The following NRG3 variants were observed in gnomAD, a reference collection of about 807,000 sequenced individuals.
NRG3 encodes pro-neuregulin-3, membrane-bound isoform.
A neutral mutation model predicts 66.9 loss-of-function variants in NRG3; 31 were observed. That is an observed-to-expected ratio of 0.46 (90% CI 0.35 to 0.63). The LOEUF is 0.63. Among genes scored for constraint, NRG3 ranks in the 20% least tolerant of loss-of-function variants. The pLI is 0.00. For synonymous variants in NRG3, 393 were observed against 359.4 expected, an observed-to-expected ratio of 1.09 and a Z score of -1.06; for missense variants, 910 against 878.9, an observed-to-expected ratio of 1.04 and a Z score of -0.45.
intron 2 of NRG3, among the ~76,000 whole-genome samples, chr10:82,525,109 T>C (rs1264737573): frequency 6.6e-6 from 1 of 151,830 alleles, no homozygotes; most frequent in Non-Finnish European, 1.5e-5. Context: ...CTTATCTCGA[T>C]CAATAACAAA....
chr10:81,875,538 G>A lies in NRG3; in HGVS notation c.198G>A (p.Trp66Ter). ...TCGTGTGGAACCGGCAGCAGACGTGGCTGTGCGTGGTACCTCTGTTCATCG... is the reference window on the plus strand; with the variant it reads ...TCGTGTGGAACCGGCAGCAGACGTGACTGTGCGTGGTACCTCTGTTCATCG... ...DCIVWNRQQT[W>*]LCVVPLFIGF... is the part of the protein sequence containing the mutation. The change falls in exon 1 of 9, where the codon TGG (tryptophan) becomes TGA (stop). Residue 66 changes from tryptophan to a stop codon, truncating the protein, a stop_gained. Coordinates refer to ENST00000372141, the MANE Select transcript of NRG3 (RefSeq NM_001010848.4). LOFTEE classifies it high-confidence loss of function. The surrounding 1 kb of genome is among the most constrained non-coding windows in gnomAD (Gnocchi z 5.3). 6.2e-7 allele frequency: 1 copy of A among 1,612,566 alleles called. No individual in the cohort carries two copies. The highest frequency in any genetic ancestry group is 8.5e-7 in the Non-Finnish European group (1 of 1,179,772).
chr10:82,533,540 A>G (rs1847511860), intron 2 of NRG3, among the ~76,000 whole-genome samples: 1 of 152,146 alleles, frequency 6.6e-6, no homozygotes, highest in Admixed American at 6.5e-5. Context: ...CTATTTGTTA[A>G]AAAGAATGTA....
intron 1 of NRG3, among the ~76,000 whole-genome samples, chr10:81,988,401 C>A (rs917100405): frequency 4.6e-5 from 7 of 152,138 alleles, no homozygotes; most frequent in African/African-American, 1.7e-4. Flanking sequence ...TATATTTTCC[C>A]AGATTAGAGG....
At chr10:82,804,425 CATGAACA>C in intron 3 of NRG3, among the ~76,000 whole-genome samples, 1 of 152,232 alleles carries the variant, frequency 6.6e-6, no homozygotes, top group South Asian at 2.1e-4. Context: ...GGGTGGAAGA[CATGAACA>C]GAAATGTATT....
At chr10:82,331,955 G>A (rs1018251551) in intron 1 of NRG3, among the ~76,000 whole-genome samples, 2 of 152,196 alleles carry the variant, frequency 1.3e-5, no homozygotes, top group African/African-American at 2.4e-5. Flanking sequence ...GCTCCACTCT[G>A]CTCTGCTGGC....
At chr10:81,880,334 C>G (rs1842067079) in intron 1 of NRG3, among the ~76,000 whole-genome samples, 1 of 151,970 alleles carries the variant, frequency 6.6e-6, no homozygotes, top group South Asian at 2.1e-4. Flanking sequence ...TTGAGAGTCC[C>G]TTCTGCAGGA....
chr10:82,114,152 T>G (rs1037106995), intron 1 of NRG3, among the ~76,000 whole-genome samples: 3 of 152,132 alleles, frequency 2.0e-5, no homozygotes, highest in Non-Finnish European at 4.4e-5. Flanking sequence ...TATCATCACT[T>G]TGTTCCTTTT....
intron 3 of NRG3, among the ~76,000 whole-genome samples, chr10:82,793,258 T>C (rs1332040647): frequency 2.0e-5 from 3 of 151,966 alleles, no homozygotes; most frequent in Admixed American, 1.3e-4. Flanking sequence ...TGAGTGGGAG[T>C]TTGTTGTGTT....
At chr10:82,269,784 G>T (rs572345685) in intron 1 of NRG3, among the ~76,000 whole-genome samples, 2 of 152,116 alleles carry the variant, frequency 1.3e-5, no homozygotes, top group Admixed American at 6.6e-5. Context: ...AAGGTCTGGG[G>T]TGAATCCTGA....
At chr10:82,726,645 G>A (rs923558356) in intron 2 of NRG3, among the ~76,000 whole-genome samples, 2 of 152,156 alleles carry the variant, frequency 1.3e-5, no homozygotes, top group African/African-American at 4.8e-5. Flanking sequence ...TCTCGGGTAT[G>A]TCTTTATCAG....
At chr10:82,560,164 A>C (rs2044941619) in intron 2 of NRG3, among the ~76,000 whole-genome samples, 1 of 151,786 alleles carries the variant, frequency 6.6e-6, no homozygotes, top group Non-Finnish European at 1.5e-5. Flanking sequence ...AAATGTGTTA[A>C]TATATCATAT....
chr10:82,028,342 A>G (rs1470549935), intron 1 of NRG3, among the ~76,000 whole-genome samples: 1 of 152,120 alleles, frequency 6.6e-6, no homozygotes, highest in Non-Finnish European at 1.5e-5. Flanking sequence ...TTGAGTTCAA[A>G]TGCATTCCTA....
chr10:81,989,787 C>A (rs1478031508), intron 1 of NRG3, among the ~76,000 whole-genome samples: 1 of 151,780 alleles, frequency 6.6e-6, no homozygotes, highest in Non-Finnish European at 1.5e-5. Flanking sequence ...TTTTGGTGAC[C>A]AACAAGTTAT....
intron 2 of NRG3, among the ~76,000 whole-genome samples, chr10:82,467,901 T>TTGTGTGTGTGTGTATG (rs1840842828): frequency 1.3e-5 from 2 of 151,858 alleles, no homozygotes; most frequent in South Asian, 2.1e-4. Context: ...CATATTCATG[T>TTGTGTGTGTGTGTATG]TGTGTGTGTG....
intron 1 of NRG3, chr10:82,232,918 T>A (rs2076557777): frequency 1.4e-6 from 1 of 696,762 alleles, no homozygotes; most frequent in Admixed American, 2.1e-5. Flanking sequence ...TTCTCCAGAA[T>A]TTGGGAAACA....
chr10:82,351,891 A>G (rs1273563461), intron 1 of NRG3, among the ~76,000 whole-genome samples: 2 of 152,196 alleles, frequency 1.3e-5, no homozygotes, highest in Non-Finnish European at 2.9e-5. Flanking sequence ...AAGCCCTACT[A>G]CCGTCCTCCA....
Position 81,963,292 on chromosome 10 carries a change from C to T in NRG3, c.823+87129C>T, listed in dbSNP as rs945772237. Among the ~76,000 whole-genome samples, 65 of 150,994 alleles carry T rather than the reference C, an allele frequency of 4.3e-4. 1 individual carries two copies. The highest frequency in any genetic ancestry group is 7.2e-4 in the Non-Finnish European group (49 of 67,788). On this transcript the variant is annotated intron_variant, in intron 1 of 8. Coordinates refer to ENST00000372141, the MANE Select transcript of NRG3 (RefSeq NM_001010848.4). Reference sequence around the variant, plus strand: ...GGGACTACAGGCGCCCGCCACTACGCCCGGCTAATTTTTTGTATTTTTAGT... The same window carrying T: ...GGGACTACAGGCGCCCGCCACTACGTCCGGCTAATTTTTTGTATTTTTAGT...
chr10:82,718,321 A>C (rs1160711220), intron 2 of NRG3, among the ~76,000 whole-genome samples: 2 of 152,176 alleles, frequency 1.3e-5, no homozygotes, highest in African/African-American at 4.8e-5. Flanking sequence ...AGATACTTGA[A>C]GAGGTTTCTG....
intron 1 of NRG3, among the ~76,000 whole-genome samples, chr10:81,973,292 C>A (rs1334433166): frequency 2.0e-5 from 3 of 152,154 alleles, no homozygotes; most frequent in African/African-American, 7.2e-5. Flanking sequence ...ACCACATTTT[C>A]TTTATCCAGT....
Sources: allele counts gnomAD v4.1 joint callset (sites outside exome capture counted in the v4.1 genomes callset), GRCh38; gene constraint gnomAD v4.1.1; non-coding constraint Gnocchi (gnomAD v3.1); transcripts MANE v1.5; gene names NCBI Gene and HGNC (gene_info 2026-07-23, HGNC 2026-07-21).